Variants in DPP10 observed in about 807,000 individuals in gnomAD.
The protein encoded by DPP10 is dipeptidyl peptidase like 10.
Under a neutral mutation model 120.9 loss-of-function variants are expected in DPP10, and 33 were observed. That is an observed-to-expected ratio of 0.27 (90% CI 0.21 to 0.37). The LOEUF (loss-of-function observed/expected upper bound fraction) is 0.37, where lower values mean the gene tolerates loss of function less well. Among genes scored for constraint, DPP10 ranks in the 10% least tolerant of loss-of-function variants. The pLI is 1.00. For synonymous variants in DPP10, 337 were observed against 326.1 expected (o/e 1.03, Z -0.36); for missense variants, 816 against 942.8 (o/e 0.87, Z 1.76).
intron 1 of DPP10, among the ~76,000 whole-genome samples, chr2:114,839,318 T>A (rs1329814757): frequency 6.6e-6 from 1 of 152,170 alleles, no homozygotes; most frequent in Admixed American, 6.6e-5. Flanking sequence ...CAGATAAGTC[T>A]ACAACAGATG....
chr2:115,163,386 T>G (rs1005055649), intron 1 of DPP10, among the ~76,000 whole-genome samples: 1 of 152,196 alleles, frequency 6.6e-6, no homozygotes, highest in Non-Finnish European at 1.5e-5. Flanking sequence ...GTGGTGGGGA[T>G]TACTCAATGA....
chr2:115,286,338 A>G (rs1157301367), intron 1 of DPP10, among the ~76,000 whole-genome samples: 1 of 150,862 alleles, frequency 6.6e-6, no homozygotes, highest in Non-Finnish European at 1.5e-5. Flanking sequence ...TTTGTAAATG[A>G]AGATTTAAAA....
Position 115,176,525 on chromosome 2 carries a change from A to G in DPP10, c.61-132714A>G, listed in dbSNP as rs967390133. Among the ~76,000 whole-genome samples, 8 of 152,158 alleles carry G rather than the reference A, an allele frequency of 5.3e-5. No individual in the cohort carries two copies. In the East Asian group the frequency reaches 9.6e-4, roughly 18 times the overall value. ...TGCAGAAGTTGTCTTTTGATCACAT[A>G]CAGTCATACATATTATAATAACCAT... is the stretch of plus-strand genomic sequence containing the variant. On this transcript the variant is annotated intron_variant, in intron 1 of 25. Transcript: ENST00000410059.
intron 3 of DPP10, among the ~76,000 whole-genome samples, chr2:115,444,031 C>T (rs987437906): frequency 3.3e-5 from 5 of 152,278 alleles, no homozygotes; most frequent in African/African-American, 9.6e-5. Context: ...TCCCCTCCCC[C>T]ACATTGCCCC....
At chr2:114,547,233 G>A (rs564128442) in intron 1 of DPP10, among the ~76,000 whole-genome samples, 18 of 152,318 alleles carry the variant, frequency 1.2e-4, no homozygotes, top group Admixed American at 7.2e-4. Context: ...GCCCTGGGTC[G>A]CTGGCCTTCT....
intron 4 of DPP10, among the ~76,000 whole-genome samples, chr2:115,515,286 G>C (rs2077442543): frequency 6.6e-6 from 1 of 151,908 alleles, no homozygotes; most frequent in Admixed American, 6.6e-5. Flanking sequence ...CAATTTATTA[G>C]ATAATATCAA....
intron 5 of DPP10, among the ~76,000 whole-genome samples, chr2:115,669,532 C>T (rs957217764): frequency 2.0e-5 from 3 of 152,114 alleles, no homozygotes; most frequent in African/African-American, 7.2e-5. Context: ...GTAGTTCTAG[C>T]TCCCATTGTG....
intron 11 of DPP10, among the ~76,000 whole-genome samples, chr2:115,760,318 G>A (rs1308246932): frequency 6.6e-6 from 1 of 152,168 alleles, no homozygotes; most frequent in Non-Finnish European, 1.5e-5. Flanking sequence ...ACACTACAGA[G>A]TACATAATAG....
chr2:114,739,620 C>T (rs979381143), intron 1 of DPP10, among the ~76,000 whole-genome samples: 1 of 152,144 alleles, frequency 6.6e-6, no homozygotes, highest in Admixed American at 6.5e-5. Context: ...GACTGAGCCA[C>T]TGCACTCCAG....
At chr2:115,120,509 G>A (rs1481758603) in intron 1 of DPP10, among the ~76,000 whole-genome samples, 2 of 152,104 alleles carry the variant, frequency 1.3e-5, no homozygotes, top group South Asian at 2.1e-4. Flanking sequence ...ACACAATAAA[G>A]TCTGACCCTT....
chr2:115,209,654 A>C (rs2056378684), intron 1 of DPP10, among the ~76,000 whole-genome samples: 1 of 152,162 alleles, frequency 6.6e-6, no homozygotes, highest in Non-Finnish European at 1.5e-5. Context: ...TGAGCAGGCA[A>C]ACAAACCTCT....
chr2:115,135,245 T>C (rs547128509), intron 1 of DPP10, among the ~76,000 whole-genome samples: 1 of 149,534 alleles, frequency 6.7e-6, no homozygotes, highest in African/African-American at 2.4e-5. Context: ...CCTTGAGATA[T>C]ATATATATAT....
intron 1 of DPP10, among the ~76,000 whole-genome samples, chr2:115,268,288 T>G (rs1021043444): frequency 1.3e-5 from 2 of 152,110 alleles, no homozygotes; most frequent in African/African-American, 4.8e-5. Flanking sequence ...GAAAAAAAAT[T>G]ATGAGTCAGA....
chr2:114,834,418 C>G (rs1434780620), intron 1 of DPP10, among the ~76,000 whole-genome samples: 1 of 151,238 alleles, frequency 6.6e-6, no homozygotes, highest in African/African-American at 2.4e-5. Flanking sequence ...ATCTACACAC[C>G]TATGTATATA....
intron 1 of DPP10, among the ~76,000 whole-genome samples, chr2:114,523,767 A>T (rs1441331501): frequency 6.6e-6 from 1 of 152,066 alleles, no homozygotes; most frequent in Non-Finnish European, 1.5e-5. Flanking sequence ...TTAGCTATGA[A>T]GTGTTGCTTT....
In DPP10 at chr2:114,588,098, A is replaced by T. The variant is rs187470036; in HGVS notation, c.60+145260A>T. 2.0e-3 allele frequency among the ~76,000 whole-genome samples: 312 copies of T among 152,354 alleles called. 2 individuals carry two copies. The highest frequency in any genetic ancestry group is 1.6e-3 in the Non-Finnish European group (106 of 68,024). Reference sequence around the variant, plus strand: ...TTTTCCTCATTGCTTTTGAAACAATATGGATCTACTTTTGTCTCATTTACA... The same window carrying T: ...TTTTCCTCATTGCTTTTGAAACAATTTGGATCTACTTTTGTCTCATTTACA... On this transcript the variant is annotated intron_variant, in intron 1 of 25. Transcript: ENST00000410059.
intron 1 of DPP10, among the ~76,000 whole-genome samples, chr2:115,286,478 GTAATATATATATAATATATATATAT>G (rs2060378084): frequency 1.5e-5 from 1 of 68,246 alleles, no homozygotes; most frequent in Non-Finnish European, 3.0e-5. Flanking sequence ...ATATATATAT[GTAATATATATATAATATATATATAT>G]TACATATATA....
chr2:115,645,743 A>G (rs1287634578), intron 5 of DPP10, among the ~76,000 whole-genome samples: 1 of 152,218 alleles, frequency 6.6e-6, no homozygotes, highest in African/African-American at 2.4e-5. Context: ...CTCATTATAT[A>G]ACATGCTATG....
intron 4 of DPP10, among the ~76,000 whole-genome samples, chr2:115,516,002 C>G (rs577378499): frequency 6.6e-6 from 1 of 152,104 alleles, no homozygotes; most frequent in Non-Finnish European, 1.5e-5. Context: ...ATTCTACACA[C>G]TTCACAAAAA....
Sources: gnomAD v4.1 joint callset for allele counts (sites outside exome capture counted in the v4.1 genomes callset) on GRCh38, gnomAD v4.1.1 for gene constraint, MANE v1.5 for transcripts, NCBI Gene and HGNC (gene_info 2026-07-23, HGNC 2026-07-21) for gene names.